The following TTN variants were observed in gnomAD, a reference collection of about 807,000 sequenced individuals.
TTN encodes connectin.
A neutral mutation model predicts 3,223.0 loss-of-function variants in TTN; 1,525 were observed. The ratio of observed to expected loss-of-function variants is 0.47; its 90% confidence interval spans 0.45 to 0.49. The LOEUF (loss-of-function observed/expected upper bound fraction) is 0.49, where lower values mean the gene tolerates loss of function less well. Among genes scored for constraint, TTN ranks in the 20% least tolerant of loss-of-function variants. TTN has a pLI of 0.00. For missense variants in TTN, 40,786 were observed against 43,424.0 expected (o/e 0.94, Z 5.40); for synonymous variants, 14,094 against 15,161.0 (o/e 0.93, Z 5.17).
At position 178,611,830 on chromosome 2, in the gene TTN, G is replaced by A. The variant is rs727503620; in HGVS notation, c.50479C>T (p.Arg16827Trp). The A allele has an allele frequency of 1.3e-5, 21 of 1,612,766 alleles. No individual in the cohort carries two copies. The highest frequency in any genetic ancestry group is 3.3e-4 in the Middle Eastern group (2 of 6,070). Reference protein sequence around the residue: ...IEGTEVQFQVRAENEAGVGHP... With the variant: ...IEGTEVQFQVWAENEAGVGHP... ...CCAACTCCAGCTTCATTTTCAGCCCGAACCTGAAACTGGACCTCTGTTCCT... is the reference window on the plus strand; with the variant it reads ...CCAACTCCAGCTTCATTTTCAGCCCAAACCTGAAACTGGACCTCTGTTCCT... Residue 16827 changes from arginine to tryptophan, a missense_variant, in exon 268 of 363, where the codon CGG becomes TGG. Transcript: ENST00000589042.
Position 178,539,929 on chromosome 2 carries a change from T to G in TTN, c.98136A>C (p.Glu32712Asp), listed in dbSNP as rs1169770151. ...CGCCACCTTGCCTTACAAAGATACC[T>G]TCTTGGTATCTTTCATCAAGTTCAT... The part of the protein sequence containing the change: ...PDYELDERYQ[E>D]GIFVRQGGVI... The change falls in exon 352 of 363, where the codon GAA becomes GAC. Residue 32712 changes from glutamate (E) to aspartate (D), a missense_variant. Physicochemically the swap from Glu to Asp is conservative, Grantham distance 45. Coordinates refer to ENST00000589042, the MANE Select transcript of TTN (RefSeq NM_001267550.2). 5.0e-6 allele frequency: 8 copies of G among 1,613,650 alleles called. No individual in the cohort carries two copies. Among genetic ancestry groups the G allele is most frequent in the Non-Finnish European group, 6.8e-6 (8 of 1,179,630 alleles).
At chr2:178,751,097 C>G (rs767816699) in intron 47 of TTN, 1 of 1,612,866 alleles carries the variant, frequency 6.2e-7, no homozygotes, top group South Asian at 1.1e-5. Flanking sequence ...TTGCACAATA[C>G]TCTCAGCTGA....
chr2:178,664,365 C>T (rs2154259716), intron 168 of TTN, 95 bp downstream of exon 168: 2 of 979,988 alleles, frequency 2.0e-6, no homozygotes, highest in East Asian at 4.8e-5. Context: ...ACATGATTCA[C>T]ATGTACACAT....
chr2:178,718,947 C>T lies in TTN; in HGVS notation c.24253G>A (p.Asp8085Asn), dbSNP rs1553904192. 6.2e-7 allele frequency: 1 copy of T among 1,609,336 alleles called. No homozygotes were observed. The highest frequency in any genetic ancestry group is 8.5e-7 in the Non-Finnish European group (1 of 1,177,630). Reference protein sequence around the residue: ...QEPPSFEQTPDSVEVLPGMSL... With the variant: ...QEPPSFEQTPNSVEVLPGMSL... ...ATTCCAGGCAAAACTTCCACAGAAT[C>T]AGGGGTTTGTTCAAAAGATGGTGGT... is the stretch of plus-strand genomic sequence containing the variant. Residue 8085 changes from aspartate (D) to asparagine (N), a missense_variant, in exon 84 of 363, where the codon GAT (aspartate) becomes AAT (asparagine). Physicochemically the swap from Asp to Asn is conservative, Grantham distance 23. Coordinates refer to ENST00000589042, the MANE Select transcript of TTN (RefSeq NM_001267550.2).
rs1553484561 is a variant in TTN, at chr2:178,530,797, G to T, written c.105818C>A (p.Pro35273Gln). ...TGGGAGGTGCTGAACTTTCTCTGTT[G>T]GTGTTGGTTTTGTCTCTGTGGGTGA... The part of the protein sequence containing the change: ...AVSPTETKPT[P>Q]TEKVQHLPVS... Residue 35273 changes from proline to glutamine, a missense_variant, in exon 358 of 363, where the codon CCA becomes CAA. Pro to Gln is a moderately conservative substitution (Grantham distance 76, BLOSUM62 -1). Coordinates refer to ENST00000589042, the MANE Select transcript of TTN (RefSeq NM_001267550.2). 1 of 1,613,792 alleles carries T rather than the reference G, an allele frequency of 6.2e-7. No individual in the cohort carries two copies. The highest frequency in any genetic ancestry group is 1.3e-5 in the African/African-American group (1 of 74,992).
intron 39 of TTN, 33 bp from the exon 40 acceptor site, chr2:178,767,957 A>G (rs1305756511): frequency 1.2e-6 from 2 of 1,613,984 alleles, no homozygotes; most frequent in Non-Finnish European, 1.7e-6. Flanking sequence ...AGTTTACCGT[A>G]TGGTGATTCA....
chr2:178,601,060 A>C lies in TTN; in HGVS notation c.55844T>G (p.Ile18615Ser), dbSNP rs1474944420. 5 of 1,612,582 alleles carry C rather than the reference A, an allele frequency of 3.1e-6. No individual in the cohort carries two copies. In the Admixed American group the frequency reaches 6.7e-5, roughly 22 times the overall value. ...NDGGSPVTHY[I>S]VECLAWDPTG... ...AGGGTCCCATGCAAGGCACTCAACA[A>C]TATAGTGGGTAACAGGGGAGCCCCC... is the stretch of plus-strand genomic sequence containing the variant. The change falls in exon 288 of 363, where the codon ATT becomes AGT. Residue 18615 changes from isoleucine (I) to serine (S), a missense_variant. Transcript: ENST00000589042.
At chr2:178,673,779 T>C in intron 151 of TTN, 69 bp from the exon 152 acceptor site, 1 of 1,039,846 alleles carries the variant, frequency 9.6e-7, no homozygotes. Flanking sequence ...CATATACCAA[T>C]AAATAAATAT....
chr2:178,669,841 T>A (rs2066661777), intron 157 of TTN, among the ~76,000 whole-genome samples, 166 bp from the exon 158 acceptor site: 3 of 152,134 alleles, frequency 2.0e-5, no homozygotes, highest in Admixed American at 1.3e-4. Flanking sequence ...GCTTTGTCGA[T>A]GAGTTCTTGA....
In TTN at chr2:178,684,387, G is replaced by A. The variant is rs1577378975; in HGVS notation, c.32665C>T (p.Gln10889Ter). ...ACAGCAACAAGAACTTTTTCTTCCTGGGTAATTTGCATGTGCCTCTCAGTC... is the reference window on the plus strand; with the variant it reads ...ACAGCAACAAGAACTTTTTCTTCCTAGGTAATTTGCATGTGCCTCTCAGTC... ...KVTERHMQIT[Q>*]EEKVLVAVTK... The change falls in exon 132 of 363, where the codon CAG (glutamine) becomes TAG (stop). Residue 10889 changes from glutamine (Q) to a stop codon, truncating the protein, a stop_gained. Coordinates refer to ENST00000589042, the MANE Select transcript of TTN (RefSeq NM_001267550.2). LOFTEE classifies it high-confidence loss of function. 1 of 1,613,436 alleles carries A rather than the reference G, an allele frequency of 6.2e-7. No individual in the cohort carries two copies. Among genetic ancestry groups the A allele is most frequent in the South Asian group, 1.1e-5 (1 of 91,026 alleles).
At chr2:178,668,396 C>T (rs887575035) in intron 159 of TTN, among the ~76,000 whole-genome samples, 5 of 151,856 alleles carry the variant, frequency 3.3e-5, no homozygotes, top group Non-Finnish European at 7.4e-5. Context: ...GGATGAACAA[C>T]AAGAAAGTTG....
At chr2:178,678,678 T>C in intron 143 of TTN, 69 bp downstream of exon 143, 15 of 1,457,224 alleles carry the variant, frequency 1.0e-5, no homozygotes, top group Non-Finnish European at 1.4e-5. Context: ...AGTACAGAAT[T>C]AAACCAATTA....
intron 164 of TTN, 38 bp downstream of exon 164, chr2:178,665,670 C>G: frequency 1.6e-6 from 2 of 1,286,544 alleles, no homozygotes; most frequent in Non-Finnish European, 2.0e-6. Context: ...GCTAAGCACT[C>G]TAATAAATGA....
Position 178,538,800 on chromosome 2 carries a change from A to G in TTN, c.99029T>C (p.Ile33010Thr). 6.2e-7 allele frequency: 1 copy of G among 1,611,594 alleles called. No homozygotes were observed. Among genetic ancestry groups the G allele is most frequent in the Non-Finnish European group, 8.5e-7 (1 of 1,178,520 alleles). ...SQPGELEILS[I>T]SKDSVTLQWE... ...CTGTAGAGTGACACTATCTTTGGAT[A>G]TTGAAAGAATCTCAAGTTCTCCTGG... The change falls in exon 354 of 363, where the codon ATA (isoleucine) becomes ACA (threonine). Residue 33010 changes from isoleucine to threonine, a missense_variant. Ile to Thr is a moderately conservative substitution (Grantham distance 89). Transcript: ENST00000589042.
chr2:178,576,321 C>A lies in TTN; in HGVS notation c.69811G>T (p.Glu23271Ter), dbSNP rs1213132001. 6.4e-7 allele frequency: 1 copy of A among 1,570,928 alleles called. No individual in the cohort carries two copies. The highest frequency in any genetic ancestry group is 1.9e-5 in the Admixed American group (1 of 51,904). ...WGKPHYDGGL[E>*]ITGYVVEHQK... is the part of the protein sequence containing the mutation. ...TGCTCCACGACATAGCCAGTGATTT[C>A]AAGTCCACCATCATAATGAGGCTTG... is the stretch of plus-strand genomic sequence containing the variant. Residue 23271 changes from glutamate (E) to a stop codon, truncating the protein, a stop_gained, in exon 326 of 363, where the codon GAA becomes TAA. Coordinates refer to ENST00000589042, the MANE Select transcript of TTN (RefSeq NM_001267550.2). LOFTEE classifies it high-confidence loss of function. This position sits in a 1 kb window ranked among gnomAD's most constrained non-coding sequence, Gnocchi z 4.3.
chr2:178,538,368 C>T, intron 354 of TTN, 172 bp downstream of exon 354: 1 of 609,352 alleles, frequency 1.6e-6, no homozygotes, highest in East Asian at 2.9e-5. Context: ...AGGTTGTGTG[C>T]TTGGAATGGT....
At chr2:178,730,851 T>C (rs1307723749) in intron 60 of TTN, 59 bp from the exon 61 acceptor site, 3 of 1,134,772 alleles carry the variant, frequency 2.6e-6, no homozygotes, top group African/African-American at 2.3e-5. Flanking sequence ...TTTGTTTTTG[T>C]TTTTTTTTTT....
Position 178,585,045 on chromosome 2 carries a change from T to A in TTN, c.64672+27A>T, listed in dbSNP as rs1288472815. 3 of 1,603,370 alleles carry A rather than the reference T, an allele frequency of 1.9e-6. No individual in the cohort carries two copies. In the Admixed American group the frequency reaches 5.3e-5, roughly 28 times the overall value. The stretch of plus-strand genomic sequence containing the variant: ...AATATTTCTGAGCTTCATATTTAGA[T>A]GGCCATTTGTCTAATACTTAACTTA... On this transcript the variant is annotated intron_variant, in intron 309 of 362. Transcript: ENST00000589042.
intron 303 of TTN, 25 bp downstream of exon 303, chr2:178,591,574 G>A: frequency 6.2e-7 from 1 of 1,604,736 alleles, no homozygotes; most frequent in Non-Finnish European, 8.5e-7. Flanking sequence ...AAGAAATAAG[G>A]TAATACTGCT....
Sources: gnomAD v4.1 joint callset for allele counts (sites outside exome capture counted in the v4.1 genomes callset) on GRCh38, gnomAD v4.1.1 for gene constraint, Gnocchi (gnomAD v3.1) non-coding constraint, MANE v1.5 for transcripts, NCBI Gene and HGNC (gene_info 2026-07-23, HGNC 2026-07-21) for gene names.